The following EPG5 variants were observed in gnomAD, a reference collection of about 807,000 sequenced individuals.
EPG5 encodes the protein ectopic P-granules 5 autophagy tethering factor.
In EPG5, 159 loss-of-function variants were observed where a neutral mutation model predicts 302.7. The ratio of observed to expected loss-of-function variants is 0.53; its 90% CI spans 0.46 to 0.60. The LOEUF is 0.60. Among genes scored for constraint, EPG5 ranks in the 20% least tolerant of loss-of-function variants. EPG5 has a pLI of 0.00. For missense variants in EPG5, 2,896 were observed against 3,092.4 expected, an observed-to-expected ratio of 0.94 and a Z score of 1.51; for synonymous variants, 1,158 against 1,136.8, an observed-to-expected ratio of 1.02 and a Z score of -0.37.
At chr18:45,837,255 C>T in the EPG5 span, among the ~76,000 whole-genome samples, 6 of 152,192 alleles carry the variant, frequency 3.9e-5, no homozygotes, top group Non-Finnish European at 8.8e-5. Flanking sequence ...GGGGAATAGT[C>T]CCAGGGAAGA....
chr18:45,823,893 G>A, the EPG5 span, among the ~76,000 whole-genome samples: 47 of 152,358 alleles, frequency 3.1e-4, no homozygotes, highest in Middle Eastern at 3.4e-3. Context: ...GCCAAGTGGC[G>A]CTCTAGGTGG....
chr18:45,942,249 C>T (rs1019062848), intron 9 of EPG5, among the ~76,000 whole-genome samples: 2 of 152,078 alleles, frequency 1.3e-5, no homozygotes, highest in Non-Finnish European at 2.9e-5. Context: ...GACCCCCACC[C>T]TTTTAGGGCA....
In EPG5 at chr18:45,911,052, AATCT is replaced by A. The variant is rs537576512; in HGVS notation, c.3984-314_3984-311del. 5.7e-3 allele frequency among the ~76,000 whole-genome samples: 826 copies of A among 146,054 alleles called. 4 individuals carry two copies. Among genetic ancestry groups the A allele is most frequent in the African/African-American group, 0.02 (766 of 38,096 alleles). On this transcript the variant is annotated intron_variant, in intron 22 of 43. Coordinates refer to ENST00000282041, the MANE Select transcript of EPG5 (RefSeq NM_020964.3). ...AAAAACTAAAACAGAAGCGACTAAG[AATCT>A]ATCTATCTATCTATCTATCTATACA...
the EPG5 span, among the ~76,000 whole-genome samples, chr18:45,836,413 G>A: frequency 7.1e-6 from 1 of 140,810 alleles, no homozygotes; most frequent in South Asian, 2.1e-4. Flanking sequence ...CTGGGGCACC[G>A]GCTGGGCAGG....
chr18:45,945,793 TACC>T (rs1358917383), intron 7 of EPG5, among the ~76,000 whole-genome samples: 2 of 151,310 alleles, frequency 1.3e-5, no homozygotes. Flanking sequence ...CCACGTCATT[TACC>T]ACCACCTGAC....
intron 37 of EPG5, 119 bp downstream of exon 37, chr18:45,867,442 TGC>T: frequency 1.3e-6 from 1 of 772,250 alleles, no homozygotes. Flanking sequence ...ACATCTCATA[TGC>T]CAAGCATCTG....
At chr18:45,813,361 T>C in the EPG5 span, among the ~76,000 whole-genome samples, 1 of 152,222 alleles carries the variant, frequency 6.6e-6, no homozygotes, top group East Asian at 1.9e-4. Context: ...AGTGTGGCGA[T>C]TTCTCAAGGA....
chr18:45,858,870 G>T, intron 40 of EPG5, 88 bp from the exon 41 acceptor site: 2 of 1,032,302 alleles, frequency 1.9e-6, no homozygotes, highest in Non-Finnish European at 1.4e-6. Flanking sequence ...TAAGCTTCAT[G>T]ATTTTTTTTT....
At chr18:45,935,081 T>C (rs904636690) in intron 10 of EPG5, 115 bp from the exon 11 acceptor site, 14 of 1,102,330 alleles carry the variant, frequency 1.3e-5, no homozygotes, top group Non-Finnish European at 1.7e-5. Context: ...ATGATTTTTC[T>C]AATATGCTTT....
At chr18:45,953,735 G>A in intron 2 of EPG5, 1 of 985,300 alleles carries the variant, frequency 1.0e-6, no homozygotes, top group Non-Finnish European at 1.2e-6. Context: ...TAGTTAAGAA[G>A]GTGAGTTTCA....
At chr18:45,965,278 T>C (rs1599668697) in intron 1 of EPG5, among the ~76,000 whole-genome samples, 1 of 152,028 alleles carries the variant, frequency 6.6e-6, no homozygotes, top group South Asian at 2.1e-4. Flanking sequence ...AAGGGAATAA[T>C]AGACACCAGG....
chr18:45,884,125 G>C (rs534570589), intron 30 of EPG5, among the ~76,000 whole-genome samples: 28 of 152,026 alleles, frequency 1.8e-4, no homozygotes, highest in African/African-American at 6.8e-4. Context: ...TTTTAAAAAG[G>C]GGTGGGAATT....
At chr18:45,898,264 C>T (rs192371699) in intron 27 of EPG5, among the ~76,000 whole-genome samples, 1 of 152,346 alleles carries the variant, frequency 6.6e-6, no homozygotes, top group African/African-American at 2.4e-5. Context: ...GCCTTTCTGG[C>T]TGTGCCACTT....
At chr18:45,954,289 G>A in intron 2 of EPG5, 105 bp downstream of exon 2, 2 of 1,046,796 alleles carry the variant, frequency 1.9e-6, no homozygotes, top group Non-Finnish European at 2.8e-6. Flanking sequence ...ATTACTCTAG[G>A]CTGAGGCAGG....
chr18:45,888,317 A>AT (rs1001462901), intron 28 of EPG5, among the ~76,000 whole-genome samples: 22 of 149,920 alleles, frequency 1.5e-4, no homozygotes, highest in South Asian at 4.2e-4. Flanking sequence ...TTATTTATTT[A>AT]TTTTTTGACG....
At chr18:45,808,933 A>G in the EPG5 span, among the ~76,000 whole-genome samples, 1 of 152,232 alleles carries the variant, frequency 6.6e-6, no homozygotes, top group Non-Finnish European at 1.5e-5. Context: ...TCCACTTAAA[A>G]GACACAGAAT....
At chr18:45,842,442 T>TGAGA in the EPG5 span, 1,467 of 344,494 alleles carry the variant, frequency 4.3e-3, 6 homozygotes, top group South Asian at 0.023. Context: ...TGTGTGTGTG[T>TGAGA]GAGAGAGAGA....
At chr18:45,864,362 T>C (rs910126569) in intron 39 of EPG5, among the ~76,000 whole-genome samples, 1 of 152,226 alleles carries the variant, frequency 6.6e-6, no homozygotes, top group African/African-American at 2.4e-5. Context: ...AACTTATCCA[T>C]TAACTTTATT....
rs374638575 is a variant in EPG5 at position 45,928,913 on chromosome 18, C to T, written c.2509G>A (p.Val837Ile). ...GTCTCTTGAACTCTATCCAGAAGGA[C>T]GGAAATTATCTCAGGGTGAACAGCT... ...ITAVHPEIISVLLDRVQETID... is the reference protein window; with the variant it reads ...ITAVHPEIISILLDRVQETID... Residue 837 changes from valine (V) to isoleucine (I), a missense_variant, in exon 13 of 44, where the codon GTC becomes ATC. This residue lies in a region of EPG5 where 1,390 missense variants were observed against 1,430.0 expected (regional missense o/e 0.97). Coordinates refer to ENST00000282041, the MANE Select transcript of EPG5 (RefSeq NM_020964.3). 13 of 1,613,826 alleles carry T rather than the reference C, an allele frequency of 8.1e-6. No individual in the cohort carries two copies. The highest frequency in any genetic ancestry group is 2.2e-5 in the East Asian group (1 of 44,882).
Sources: gnomAD v4.1 joint callset for allele counts (sites outside exome capture counted in the v4.1 genomes callset) on GRCh38, gnomAD v4.1.1 for gene constraint, gnomAD v4.1.1 regional missense constraint, MANE v1.5 for transcripts, NCBI Gene and HGNC (gene_info 2026-07-23, HGNC 2026-07-21) for gene names.